Variants in MLLT3 observed in about 807,000 individuals in gnomAD.
The protein encoded by MLLT3 is protein AF-9.
Under a neutral mutation model 53.2 loss-of-function variants are expected in MLLT3, and 4 were observed. That is an observed-to-expected ratio of 0.08 (90% CI 0.04 to 0.17). The LOEUF (loss-of-function observed/expected upper bound fraction) is 0.17, where lower values mean the gene tolerates loss of function less well. Ranked by LOEUF, MLLT3 falls within the 10% of genes least tolerant of loss-of-function variation. The pLI is 1.00. For missense variants in MLLT3, 569 were observed against 684.0 expected (o/e 0.83, Z 1.87); for synonymous variants, 283 against 230.6 (o/e 1.23, Z -2.06).
chr9:20,379,935 C>T (rs1041805006), intron 5 of MLLT3, among the ~76,000 whole-genome samples: 1 of 152,010 alleles, frequency 6.6e-6, no homozygotes, highest in East Asian at 1.9e-4. Flanking sequence ...TGAAGTGAGG[C>T]AGGTACTGGA....
chr9:20,529,442 T>C (rs977770671), intron 2 of MLLT3, among the ~76,000 whole-genome samples: 1 of 152,152 alleles, frequency 6.6e-6, no homozygotes, highest in African/African-American at 2.4e-5. Flanking sequence ...TTTAGCCAAA[T>C]CAGAGTATGT....
chr9:20,439,250 G>A (rs887320411), intron 4 of MLLT3, among the ~76,000 whole-genome samples: 1 of 152,078 alleles, frequency 6.6e-6, no homozygotes, highest in African/African-American at 2.4e-5. Flanking sequence ...CAGCTACTCA[G>A]GAGACTGAGG....
At chr9:20,379,725 TACTC>T (rs1458832729) in intron 5 of MLLT3, among the ~76,000 whole-genome samples, 2 of 151,988 alleles carry the variant, frequency 1.3e-5, no homozygotes, top group East Asian at 3.8e-4. Flanking sequence ...CACACACACA[TACTC>T]ACCCATTCAC....
chr9:20,379,724 A>G (rs564000685), intron 5 of MLLT3, among the ~76,000 whole-genome samples: 8 of 152,162 alleles, frequency 5.3e-5, no homozygotes, highest in African/African-American at 1.9e-4. Context: ...ACACACACAC[A>G]TACTCACCCA....
intron 2 of MLLT3, among the ~76,000 whole-genome samples, chr9:20,564,872 C>A (rs932437280): frequency 1.3e-5 from 2 of 152,124 alleles, no homozygotes; most frequent in Admixed American, 1.3e-4. Context: ...ATCCCTTGAG[C>A]CATCCATTCT....
At chr9:20,497,567 G>A (rs1825110242) in intron 2 of MLLT3, among the ~76,000 whole-genome samples, 1 of 152,052 alleles carries the variant, frequency 6.6e-6, no homozygotes, top group Non-Finnish European at 1.5e-5. Flanking sequence ...TCAGGGGTTG[G>A]CATCTTTCAC....
At chr9:20,528,679 A>T (rs1818259960) in intron 2 of MLLT3, among the ~76,000 whole-genome samples, 2 of 152,214 alleles carry the variant, frequency 1.3e-5, no homozygotes, top group Admixed American at 6.5e-5. Flanking sequence ...TGTGTCTGTC[A>T]AATCTCACCC....
At chr9:20,569,532 TAGAA>T (rs1429555345) in intron 2 of MLLT3, among the ~76,000 whole-genome samples, 1 of 152,174 alleles carries the variant, frequency 6.6e-6, no homozygotes, top group Admixed American at 6.6e-5. Flanking sequence ...TCAGAGCTGT[TAGAA>T]AGACTACACA....
chr9:20,414,333 G>GCTGCTGCTGCTA lies in MLLT3; in HGVS notation c.501_512dup (p.Ser187_Ser190dup), dbSNP rs1177517093. 2.5e-6 allele frequency: 4 copies of GCTGCTGCTGCTA among 1,605,906 alleles called. No homozygotes were observed. In the Admixed American group the frequency reaches 5.0e-5, roughly 20 times the overall value. ...TGCTACTGCTGCTGCTGCTGCTGCT[G>GCTGCTGCTGCTA]CTGCTGCTGCTACTGCTGCTGCTGC... is the stretch of plus-strand genomic sequence containing the variant. On this transcript the variant is annotated inframe_insertion, in exon 5 of 11. Coordinates refer to ENST00000380338, the MANE Select transcript of MLLT3 (RefSeq NM_004529.4).
intron 2 of MLLT3, among the ~76,000 whole-genome samples, chr9:20,524,244 T>C (rs1280405233): frequency 6.6e-6 from 1 of 151,958 alleles, no homozygotes; most frequent in East Asian, 1.9e-4. Context: ...AGGAAATCTC[T>C]GTACCTTCTG....
intron 2 of MLLT3, among the ~76,000 whole-genome samples, chr9:20,588,944 G>A (rs1236965906): frequency 3.3e-5 from 5 of 151,126 alleles, no homozygotes; most frequent in African/African-American, 9.7e-5. Flanking sequence ...AACAGGTGCT[G>A]AAGAGCATGT....
At chr9:20,494,129 G>C (rs911687024) in intron 2 of MLLT3, among the ~76,000 whole-genome samples, 2 of 151,992 alleles carry the variant, frequency 1.3e-5, no homozygotes, top group African/African-American at 4.8e-5. Context: ...AAATATCTTT[G>C]TCAAAAATAT....
intron 2 of MLLT3, among the ~76,000 whole-genome samples, chr9:20,615,463 A>G (rs1022439203): frequency 1.5e-4 from 22 of 151,426 alleles, no homozygotes; most frequent in African/African-American, 5.1e-4. Context: ...TCCTTTTCTG[A>G]AAACAATTTT....
At chr9:20,359,039 C>T (rs1021453839) in intron 8 of MLLT3, among the ~76,000 whole-genome samples, 5 of 145,268 alleles carry the variant, frequency 3.4e-5, no homozygotes, top group South Asian at 4.6e-4. Context: ...CAGCTACTCG[C>T]GGGGCTGAGG....
rs961400511 is a variant in MLLT3 at position 20,377,448 on chromosome 9, TA to T, written c.1126-11705del. On this transcript the variant is annotated intron_variant, in intron 5 of 10. Coordinates refer to ENST00000380338, the MANE Select transcript of MLLT3 (RefSeq NM_004529.4). ...AAATATTAAAGTATATTTGGGATTA[TA>T]AAAAAGTATAAAGTAAATTAAATAG... Among the ~76,000 whole-genome samples the T allele has an allele frequency of 1.4e-4, 22 of 152,078 alleles. 1 individual carries two copies. Among genetic ancestry groups the T allele is most frequent in the African/African-American group, 5.3e-4 (22 of 41,426 alleles).
At chr9:20,407,127 G>T (rs772252521) in intron 5 of MLLT3, among the ~76,000 whole-genome samples, 1 of 152,166 alleles carries the variant, frequency 6.6e-6, no homozygotes, top group Non-Finnish European at 1.5e-5. Context: ...AACTTAGAGA[G>T]GTTATAACAT....
At chr9:20,529,724 CTTTTTTTTT>C (rs5896896) in intron 2 of MLLT3, among the ~76,000 whole-genome samples, 2 of 76,410 alleles carry the variant, frequency 2.6e-5, no homozygotes, top group East Asian at 4.1e-4. Flanking sequence ...TAATCCAATC[CTTTTTTTTT>C]TTTTTTTTTT....
intron 5 of MLLT3, among the ~76,000 whole-genome samples, chr9:20,397,409 C>T (rs951958954): frequency 1.3e-5 from 2 of 152,094 alleles, no homozygotes; most frequent in African/African-American, 4.8e-5. Context: ...TAAGCTAGCA[C>T]CCACCAGCGA....
In MLLT3 at chr9:20,537,552, C is replaced by T. The variant is rs139221803; in HGVS notation, c.194-80766G>A. ...CACCCATTTACACTTTAAAAAGAAG[C>T]GGGGGTGAGGGAGTCCTGCCAATTC... On this transcript the variant is annotated intron_variant, in intron 2 of 10. Transcript: ENST00000380338. Among the ~76,000 whole-genome samples the T allele has an allele frequency of 3.1e-3, 475 of 152,110 alleles. 1 individual carries two copies. Among genetic ancestry groups the T allele is most frequent in the African/African-American group, 0.01 (426 of 41,522 alleles).
Sources: gnomAD v4.1 joint callset for allele counts (sites outside exome capture counted in the v4.1 genomes callset) on GRCh38, gnomAD v4.1.1 for gene constraint, MANE v1.5 for transcripts, NCBI Gene and HGNC (gene_info 2026-07-23, HGNC 2026-07-21) for gene names.